Variants in TXNRD1 observed in about 807,000 individuals in gnomAD.
The protein encoded by TXNRD1 is thioredoxin reductase 1.
TXNRD1 carries 57 observed loss-of-function variants against 80.3 expected under a neutral mutation model. The ratio of observed to expected loss-of-function variants is 0.71; its 90% CI spans 0.57 to 0.89. The LOEUF is 0.89. TXNRD1 is among the 40% of genes least tolerant of loss of function. TXNRD1 has a pLI of 0.00. For synonymous variants in TXNRD1, 291 were observed against 285.2 expected (o/e 1.02, Z -0.20); for missense variants, 730 against 803.0 (o/e 0.91, Z 1.10).
intron 6 of TXNRD1, 119 bp from the exon 7 acceptor site, chr12:104,315,655 GACC>G (rs2135817279): frequency 8.7e-7 from 1 of 1,155,468 alleles, no homozygotes; most frequent in African/African-American, 1.6e-5. Flanking sequence ...CTTTATTACT[GACC>G]ACATTAAGCA....
chr12:104,316,799 A>C (rs1030123536), intron 7 of TXNRD1, among the ~76,000 whole-genome samples: 1 of 152,228 alleles, frequency 6.6e-6, no homozygotes, highest in Non-Finnish European at 1.5e-5. Flanking sequence ...GTGAAGAGTG[A>C]AACTCCAACC....
At chr12:104,226,765 C>T (rs79658431) in intron 1 of TXNRD1, among the ~76,000 whole-genome samples, 4,048 of 152,144 alleles carry the variant, frequency 0.027, 162 homozygotes, top group African/African-American at 0.088. Context: ...AAATTAGGCC[C>T]GTAAATGCGT....
intron 15 of TXNRD1, among the ~76,000 whole-genome samples, 173 bp downstream of exon 15, chr12:104,334,505 C>A (rs1468411141): frequency 6.6e-6 from 1 of 152,094 alleles, no homozygotes; most frequent in African/African-American, 2.4e-5. Flanking sequence ...GCCTCAGCCT[C>A]CCAACTAACT....
At chr12:104,245,501 G>C (rs1358105389) in intron 1 of TXNRD1, among the ~76,000 whole-genome samples, 1 of 82,128 alleles carries the variant, frequency 1.2e-5, no homozygotes, top group Non-Finnish European at 2.2e-5. Flanking sequence ...TGGGCAACAA[G>C]AGCGAAACTC....
chr12:104,270,859 G>A (rs1045158649), intron 3 of TXNRD1, among the ~76,000 whole-genome samples: 1 of 152,066 alleles, frequency 6.6e-6, no homozygotes, highest in East Asian at 1.9e-4. Flanking sequence ...ATTATTGAAA[G>A]ATTAACTAGC....
At chr12:104,300,753 A>C (rs1490780552) in intron 4 of TXNRD1, among the ~76,000 whole-genome samples, 1 of 151,812 alleles carries the variant, frequency 6.6e-6, no homozygotes. Context: ...CTCACCCGCA[A>C]CCTCTGCCTC....
At position 104,277,154 on chromosome 12, in the gene TXNRD1, G is replaced by A. The variant is rs561575139; in HGVS notation, c.305-11777G>A. Among the ~76,000 whole-genome samples, 43 of 151,872 alleles carry A rather than the reference G, an allele frequency of 2.8e-4. No homozygotes were observed. The South Asian group carries it at 3.3e-3, about 12-fold the overall frequency. On this transcript the variant is annotated intron_variant, in intron 3 of 16. Coordinates refer to ENST00000525566, the MANE Select transcript of TXNRD1 (RefSeq NM_001093771.3). ...TGACTGTAATCCCAGCACTTGGGGAGGCCGAGGCGGGTGGATCACAAGATC... is the reference window on the plus strand; with the variant it reads ...TGACTGTAATCCCAGCACTTGGGGAAGCCGAGGCGGGTGGATCACAAGATC...
intron 3 of TXNRD1, 181 bp from the exon 4 acceptor site, chr12:104,288,750 C>G (rs35009941): frequency 0.014 from 20,130 of 1,478,786 alleles, 875 homozygotes; most frequent in African/African-American, 0.11. Flanking sequence ...AGACTCCAAG[C>G]TTGATTGTGA....
At chr12:104,252,191 T>C (rs980898094) in intron 2 of TXNRD1, among the ~76,000 whole-genome samples, 19 of 152,008 alleles carry the variant, frequency 1.2e-4, no homozygotes, top group Admixed American at 1.1e-3. Context: ...GTATGAGACA[T>C]ATTCAGGTAG....
At position 104,319,682 on chromosome 12, in the gene TXNRD1, A is replaced by G. The variant is rs2035461534; in HGVS notation, c.989+97A>G. On this transcript the variant is annotated intron_variant, in intron 9 of 16. Transcript: ENST00000525566. ...ACTGCGTCAATTTCTTGGGCTTCAG[A>G]CAGATTTCTTTGCCACATTGTGCCC... 26 of 915,694 alleles carry G rather than the reference A, an allele frequency of 2.8e-5. 1 individual carries two copies. The South Asian group carries it at 4.0e-4, about 14-fold the overall frequency. 56.7% of individuals were successfully genotyped at this position (915,694 alleles called of 1,614,324 possible).
intron 13 of TXNRD1, among the ~76,000 whole-genome samples, chr12:104,330,981 T>A (rs2035928760): frequency 6.6e-6 from 1 of 152,094 alleles, no homozygotes; most frequent in Non-Finnish European, 1.5e-5. Context: ...TATATCAAAC[T>A]ATTACTATGT....
chr12:104,328,628 G>A lies in TXNRD1; in HGVS notation c.1542+957G>A, dbSNP rs534115138. Among the ~76,000 whole-genome samples, 6 of 151,954 alleles carry A rather than the reference G, an allele frequency of 3.9e-5. No individual in the cohort carries two copies. In the South Asian group the frequency reaches 8.3e-4, roughly 21 times the overall value. ...AAAATTAGCCGGCCGTGGTGGTGGC[G>A]GGCGCCTGTAGTCCCACCTACTCTG... On this transcript the variant is annotated intron_variant, in intron 13 of 16. Coordinates refer to ENST00000525566, the MANE Select transcript of TXNRD1 (RefSeq NM_001093771.3).
At chr12:104,268,404 A>T (rs1180967248) in intron 3 of TXNRD1, among the ~76,000 whole-genome samples, 1 of 150,984 alleles carries the variant, frequency 6.6e-6, no homozygotes, top group Non-Finnish European at 1.5e-5. Context: ...AGGCGCCTGT[A>T]GTCCCAGCTA....
chr12:104,326,215 T>C, intron 11 of TXNRD1, 132 bp from the exon 12 acceptor site: 1 of 653,700 alleles, frequency 1.5e-6, no homozygotes, highest in Admixed American at 3.4e-5. Flanking sequence ...TGCATTACTT[T>C]CTTACTGAAA....
chr12:104,231,786 A>T (rs2032629797), intron 1 of TXNRD1, among the ~76,000 whole-genome samples: 1 of 152,194 alleles, frequency 6.6e-6, no homozygotes, highest in South Asian at 2.1e-4. Context: ...ATTGCTCAGA[A>T]CTACCATATT....
At chr12:104,281,277 A>G (rs779412580) in intron 3 of TXNRD1, among the ~76,000 whole-genome samples, 1 of 152,080 alleles carries the variant, frequency 6.6e-6, no homozygotes, top group Non-Finnish European at 1.5e-5. Flanking sequence ...TGTACAACAT[A>G]TATCTGTGCA....
intron 3 of TXNRD1, among the ~76,000 whole-genome samples, chr12:104,261,956 C>A (rs990709567): frequency 6.6e-6 from 1 of 151,948 alleles, no homozygotes; most frequent in Non-Finnish European, 1.5e-5. Flanking sequence ...CCGTGTTGGT[C>A]AGGCTGGTCT....
At chr12:104,230,289 G>A (rs1009893048) in intron 1 of TXNRD1, among the ~76,000 whole-genome samples, 1 of 151,852 alleles carries the variant, frequency 6.6e-6, no homozygotes, top group East Asian at 1.9e-4. Flanking sequence ...GGATGGTCTC[G>A]AACTCCCAAC....
At chr12:104,297,515 G>A (rs139745025) in intron 4 of TXNRD1, among the ~76,000 whole-genome samples, 3,643 of 151,126 alleles carry the variant, frequency 0.024, 54 homozygotes, top group Non-Finnish European at 0.034. Context: ...GCAGGCATGC[G>A]CCACCACGTC....
Sources: gnomAD v4.1 joint callset for allele counts (sites outside exome capture counted in the v4.1 genomes callset) on GRCh38, gnomAD v4.1.1 for gene constraint, MANE v1.5 for transcripts, NCBI Gene and HGNC (gene_info 2026-07-23, HGNC 2026-07-21) for gene names.